ADGRA2: variants seen among roughly 807,000 people sequenced by gnomAD.
ADGRA2 encodes the protein adhesion G protein-coupled receptor A2, also known as G-protein coupled receptor 124.
ADGRA2 carries 61 observed loss-of-function variants against 98.7 expected under a neutral mutation model. The ratio of observed to expected loss-of-function variants is 0.62; its 90% CI spans 0.50 to 0.76. The LOEUF (loss-of-function observed/expected upper bound fraction) is 0.76. Among genes scored for constraint, ADGRA2 ranks in the 30% least tolerant of loss-of-function variants. ADGRA2 has a pLI of 0.00. For missense variants in ADGRA2, 1,712 were observed against 1,860.0 expected, an observed-to-expected ratio of 0.92 and a Z score of 1.46; for synonymous variants, 858 against 831.5, an observed-to-expected ratio of 1.03 and a Z score of -0.55.
In ADGRA2 at chr8:37,814,056, G is replaced by A. The variant is rs566190479; in HGVS notation, c.267-840G>A. 2.6e-5 allele frequency among the ~76,000 whole-genome samples: 4 copies of A among 152,326 alleles called. No homozygotes were observed. The East Asian group carries it at 7.7e-4, about 29-fold the overall frequency. On this transcript the variant is annotated intron_variant, in intron 1 of 18. Coordinates refer to ENST00000412232, the MANE Select transcript of ADGRA2 (RefSeq NM_032777.10). This position sits in a 1 kb window ranked among gnomAD's most constrained non-coding sequence, Gnocchi z 4.3. ...GGGCAGGCAAGAGTTTGGGCGGAGA[G>A]GCTCATTAAAGCTTTCTAATAAGCA...
intron 14 of ADGRA2, among the ~76,000 whole-genome samples, chr8:37,838,195 G>A (rs1374627102): frequency 4.6e-5 from 7 of 151,734 alleles, no homozygotes; most frequent in African/African-American, 7.3e-5. Flanking sequence ...TGGAACTCCC[G>A]ATGGATCTGG....
chr8:37,817,112 T>A (rs972915018), intron 2 of ADGRA2, among the ~76,000 whole-genome samples: 16 of 152,098 alleles, frequency 1.1e-4, no homozygotes, highest in African/African-American at 2.9e-4. Flanking sequence ...TGAGGGAGCC[T>A]CCATGACACC....
intron 13 of ADGRA2, among the ~76,000 whole-genome samples, chr8:37,836,864 C>G (rs1363722903): frequency 2.0e-5 from 3 of 149,352 alleles, no homozygotes; most frequent in Admixed American, 2.0e-4. Flanking sequence ...CCATCCTGTT[C>G]CTAGCACAGA....
intron 1 of ADGRA2, among the ~76,000 whole-genome samples, chr8:37,799,642 T>C (rs1022602911): frequency 3.3e-5 from 5 of 151,936 alleles, no homozygotes; most frequent in Admixed American, 6.6e-5. Flanking sequence ...TTGGTAAGAA[T>C]ACATTAGAAC....
chr8:37,798,785 A>C (rs999302955), intron 1 of ADGRA2, among the ~76,000 whole-genome samples: 1 of 152,252 alleles, frequency 6.6e-6, no homozygotes, highest in African/African-American at 2.4e-5. Flanking sequence ...ACAACTGGTC[A>C]GCCTCTGACG....
Position 37,797,417 on chromosome 8 carries a change from G to T in ADGRA2, c.149G>T (p.Arg50Leu), listed in dbSNP as rs1804362294. The T allele has an allele frequency of 2.1e-6, 3 of 1,419,554 alleles. No homozygotes were observed. Among genetic ancestry groups the T allele is most frequent in the Admixed American group, 3.1e-5 (1 of 32,108 alleles). The allele number at this position is 1,419,554 out of a possible 1,614,324, so 87.9% of individuals were successfully genotyped here. ...SIRSCKCSGE[R>L]PKGLSGGVPG... Reference sequence around the variant, plus strand: ...CGCAGCTGCAAGTGCTCGGGGGAGCGGCCCAAGGGGCTGAGCGGCGGCGTC... The same window carrying T: ...CGCAGCTGCAAGTGCTCGGGGGAGCTGCCCAAGGGGCTGAGCGGCGGCGTC... The change falls in exon 1 of 19, where the codon CGG (arginine) becomes CTG (leucine). Residue 50 changes from arginine to leucine, a missense_variant. Coordinates refer to ENST00000412232, the MANE Select transcript of ADGRA2 (RefSeq NM_032777.10). This position sits in a 1 kb window ranked among gnomAD's most constrained non-coding sequence, Gnocchi z 5.3.
intron 9 of ADGRA2, 146 bp from the exon 10 acceptor site, chr8:37,833,542 G>C: frequency 1.3e-6 from 1 of 780,278 alleles, no homozygotes; most frequent in South Asian, 1.8e-5. Context: ...AGCCTCCTCT[G>C]CCCTCCTAGC....
chr8:37,829,354 G>C (rs1440817529), intron 4 of ADGRA2, 22 bp downstream of exon 4: 1 of 1,601,766 alleles, frequency 6.2e-7, no homozygotes, highest in African/African-American at 1.3e-5. Flanking sequence ...GGTGAGAAGT[G>C]GGGAGGGGAG....
chr8:37,806,526 CTTTTT>C (rs533491458), intron 1 of ADGRA2, among the ~76,000 whole-genome samples: 1,587 of 100,352 alleles, frequency 0.016, 33 homozygotes, highest in Middle Eastern at 0.027. Context: ...TTTTCTTTTT[CTTTTT>C]TTTTTTTTTT....
In ADGRA2 at chr8:37,841,771, C is replaced by A. The variant is rs1805803824; in HGVS notation, c.3433C>A (p.Gln1145Lys). 5 of 1,538,354 alleles carry A rather than the reference C, an allele frequency of 3.3e-6. No individual in the cohort carries two copies. The highest frequency in any genetic ancestry group is 1.2e-5 in the South Asian group (1 of 83,664). ...KLTNLQLAQS[Q>K]VCEAGAAAGG... ...CACCAACCTGCAGCTGGCCCAGAGT[C>A]AGGTGTGCGAGGCGGGGGCGGCGGC... The change falls in exon 19 of 19, where the codon CAG becomes AAG. Residue 1145 changes from glutamine to lysine, a missense_variant. Physicochemically the swap from Gln to Lys is moderately conservative, Grantham distance 53 (BLOSUM62 1). Transcript: ENST00000412232. This position sits in a 1 kb window ranked among gnomAD's most constrained non-coding sequence, Gnocchi z 5.0.
chr8:37,816,593 AACAC>A (rs545433349), intron 2 of ADGRA2, among the ~76,000 whole-genome samples: 23,790 of 131,026 alleles, frequency 0.18, 2,117 homozygotes, highest in Middle Eastern at 0.29. Context: ...CTCCGTCTCA[AACAC>A]ACACACACAC....
rs140748015 is a variant in ADGRA2, at chr8:37,832,727, T to C, written c.1098-283T>C. On this transcript the variant is annotated intron_variant, in intron 8 of 18. Transcript: ENST00000412232. The stretch of plus-strand genomic sequence containing the variant: ...CTCCCCACTGTACAGCTGAGAATAC[T>C]GAGGCCGAGAAAGGATAAATACCTT... Among the ~76,000 whole-genome samples, 236 of 152,346 alleles carry C rather than the reference T, an allele frequency of 1.5e-3. 2 individuals are homozygous for C. Among genetic ancestry groups the C allele is most frequent in the African/African-American group, 5.5e-3 (227 of 41,578 alleles).
chr8:37,802,308 C>G lies in ADGRA2; in HGVS notation c.266+4774C>G, dbSNP rs758131667. 8.5e-5 allele frequency among the ~76,000 whole-genome samples: 13 copies of G among 152,216 alleles called. No homozygotes were observed. The East Asian group carries it at 2.3e-3, about 27-fold the overall frequency. On this transcript the variant is annotated intron_variant, in intron 1 of 18. Coordinates refer to ENST00000412232, the MANE Select transcript of ADGRA2 (RefSeq NM_032777.10). The surrounding 1 kb of genome is among the most constrained non-coding windows in gnomAD (Gnocchi z 4.7). ...CAGGACAAGGATGCTGGTGGAGGGG[C>G]GGGCCCAGGCCGGCGCCTCCACCCC...
At position 37,840,120 on chromosome 8, in the gene ADGRA2, G is replaced by C; in HGVS notation, c.2512-1G>C. The C allele has an allele frequency of 6.3e-7, 1 of 1,589,736 alleles. No individual in the cohort carries two copies. Among genetic ancestry groups the C allele is most frequent in the Non-Finnish European group, 8.5e-7 (1 of 1,171,780 alleles). On this transcript the variant is annotated splice_acceptor_variant, in intron 16 of 18. Transcript: ENST00000412232. LOFTEE classifies it high-confidence loss of function. The stretch of plus-strand genomic sequence containing the variant: ...CCAGCCTCCGTGCCTTGACCCCGCA[G>C]GTGGGCATCACCCTGCACTACTCCT...
At chr8:37,829,181 GC>G (rs1322831542) in intron 3 of ADGRA2, 79 bp from the exon 4 acceptor site, 12 of 1,085,496 alleles carry the variant, frequency 1.1e-5, no homozygotes, top group African/African-American at 1.5e-5. Context: ...ACAAGCCCTG[GC>G]CCCACCCATG....
intron 1 of ADGRA2, among the ~76,000 whole-genome samples, chr8:37,798,090 T>C (rs539909045): frequency 6.6e-6 from 1 of 152,084 alleles, no homozygotes; most frequent in African/African-American, 2.4e-5. Context: ...AAGGGGAGGC[T>C]GGGCTCAGAA....
chr8:37,808,597 TGC>T (rs1165642076), intron 1 of ADGRA2, among the ~76,000 whole-genome samples: 1 of 151,392 alleles, frequency 6.6e-6, no homozygotes, highest in Non-Finnish European at 1.5e-5. Flanking sequence ...TGCATGGGCC[TGC>T]GTGCATGTTC....
chr8:37,828,849 C>A (rs777936888), intron 2 of ADGRA2, 39 bp from the exon 3 acceptor site: 4 of 1,543,742 alleles, frequency 2.6e-6, no homozygotes, highest in Non-Finnish European at 3.5e-6. Flanking sequence ...GCGGCTCCAG[C>A]GGGGAGAGGT....
At chr8:37,801,804 C>G (rs1804514747) in intron 1 of ADGRA2, among the ~76,000 whole-genome samples, 1 of 152,220 alleles carries the variant, frequency 6.6e-6, no homozygotes, top group African/African-American at 2.4e-5. Context: ...GCATTCCTGC[C>G]AGGTGAGGGC....
Sources: allele counts gnomAD v4.1 joint callset (sites outside exome capture counted in the v4.1 genomes callset), GRCh38; gene constraint gnomAD v4.1.1; non-coding constraint Gnocchi (gnomAD v3.1); transcripts MANE v1.5; gene names NCBI Gene and HGNC (gene_info 2026-07-23, HGNC 2026-07-21).